CDYL2: variants seen among roughly 807,000 people sequenced by gnomAD.
CDYL2 encodes chromodomain Y-like protein 2.
A neutral mutation model predicts 49.4 loss-of-function variants in CDYL2; 23 were observed. The ratio of observed to expected loss-of-function variants is 0.47; its 90% CI spans 0.34 to 0.66. The LOEUF is 0.66. CDYL2 is among the 30% of genes least tolerant of loss of function. CDYL2 has a pLI of 0.01. For missense variants in CDYL2, 678 were observed against 656.4 expected, an observed-to-expected ratio of 1.03 and a Z score of -0.36; for synonymous variants, 360 against 268.8, an observed-to-expected ratio of 1.34 and a Z score of -3.32.
chr16:80,743,087 T>C (rs1303837828), intron 1 of CDYL2, among the ~76,000 whole-genome samples: 1 of 152,154 alleles, frequency 6.6e-6, no homozygotes, highest in African/African-American at 2.4e-5. Flanking sequence ...GACTCATTGA[T>C]GGTCTAAATC....
chr16:80,713,069 C>T (rs1431568398), intron 1 of CDYL2, among the ~76,000 whole-genome samples: 2 of 152,150 alleles, frequency 1.3e-5, no homozygotes, highest in Non-Finnish European at 2.9e-5. Context: ...CCTCAGCAGC[C>T]CTGCTTACTT....
At chr16:80,760,840 C>A (rs1245827255) in intron 1 of CDYL2, among the ~76,000 whole-genome samples, 2 of 151,628 alleles carry the variant, frequency 1.3e-5, no homozygotes, top group Non-Finnish European at 2.9e-5. Context: ...GGGCCGTATT[C>A]TTGAAATCAT....
At chr16:80,785,323 GACAA>G (rs1215375452) in intron 1 of CDYL2, among the ~76,000 whole-genome samples, 23 of 152,086 alleles carry the variant, frequency 1.5e-4, no homozygotes, top group African/African-American at 2.2e-4. Flanking sequence ...ACCAATAACA[GACAA>G]ACAGAGAGCC....
chr16:80,614,216 T>C (rs1248181204), intron 4 of CDYL2, among the ~76,000 whole-genome samples: 1 of 152,206 alleles, frequency 6.6e-6, no homozygotes, highest in Non-Finnish European at 1.5e-5. Flanking sequence ...CAAACCTGTT[T>C]TCCCTCTTCT....
At chr16:80,703,975 C>CA (rs1209132744) in intron 1 of CDYL2, among the ~76,000 whole-genome samples, 1 of 152,196 alleles carries the variant, frequency 6.6e-6, no homozygotes, top group Non-Finnish European at 1.5e-5. Context: ...AAAGTACACA[C>CA]AGGCCAACAA....
At chr16:80,794,787 G>C (rs1039486706) in intron 1 of CDYL2, among the ~76,000 whole-genome samples, 1 of 151,658 alleles carries the variant, frequency 6.6e-6, no homozygotes, top group Admixed American at 6.6e-5. Flanking sequence ...CTAATTTTGT[G>C]TTTTTAGTAG....
intron 1 of CDYL2, among the ~76,000 whole-genome samples, chr16:80,745,553 G>A (rs1448836816): frequency 1.3e-5 from 2 of 152,124 alleles, no homozygotes; most frequent in Non-Finnish European, 1.5e-5. Context: ...CATGGAGTTG[G>A]TGTGAGGATT....
At chr16:80,740,117 G>A (rs187471213) in intron 1 of CDYL2, among the ~76,000 whole-genome samples, 768 of 152,244 alleles carry the variant, frequency 5.0e-3, no homozygotes, top group Non-Finnish European at 8.0e-3. Flanking sequence ...TGACTAAATC[G>A]GGCAGGATTG....
intron 2 of CDYL2, chr16:80,679,725 C>T (rs1909898127): frequency 2.2e-6 from 1 of 455,992 alleles, no homozygotes; most frequent in Non-Finnish European, 4.4e-6. Context: ...CAAGTTTCCT[C>T]AATACCACCA....
At chr16:80,711,168 C>T (rs562594063) in intron 1 of CDYL2, among the ~76,000 whole-genome samples, 5 of 152,316 alleles carry the variant, frequency 3.3e-5, no homozygotes, top group Middle Eastern at 6.8e-3. Flanking sequence ...GGGTGAAAAC[C>T]AGGTGGGAGG....
intron 1 of CDYL2, among the ~76,000 whole-genome samples, chr16:80,748,970 G>C (rs146682003): frequency 6.6e-6 from 1 of 152,032 alleles, no homozygotes; most frequent in Non-Finnish European, 1.5e-5. Context: ...TATTACCATC[G>C]AGAACATTGA....
chr16:80,721,532 G>A (rs1482449999), intron 1 of CDYL2, among the ~76,000 whole-genome samples: 1 of 152,166 alleles, frequency 6.6e-6, no homozygotes, highest in African/African-American at 2.4e-5. Flanking sequence ...TCTGGGTTCT[G>A]CCTTGTCTGC....
chr16:80,773,794 C>A (rs1906988784), intron 1 of CDYL2, among the ~76,000 whole-genome samples: 1 of 151,996 alleles, frequency 6.6e-6, no homozygotes, highest in African/African-American at 2.4e-5. Context: ...TTAAAATGTA[C>A]AGTTTTAATT....
chr16:80,704,855 G>A (rs1904349273), intron 1 of CDYL2, among the ~76,000 whole-genome samples: 1 of 152,192 alleles, frequency 6.6e-6, no homozygotes, highest in Non-Finnish European at 1.5e-5. Flanking sequence ...GACTCTGCTG[G>A]GTCTCTATGG....
intron 1 of CDYL2, among the ~76,000 whole-genome samples, chr16:80,783,349 C>CA (rs1907333331): frequency 6.6e-6 from 1 of 152,070 alleles, no homozygotes; most frequent in Non-Finnish European, 1.5e-5. Context: ...TGGCTATAAT[C>CA]AAAAAACAGA....
intron 1 of CDYL2, among the ~76,000 whole-genome samples, chr16:80,695,155 T>C (rs1910570713): frequency 6.6e-6 from 1 of 152,260 alleles, no homozygotes; most frequent in Non-Finnish European, 1.5e-5. Context: ...GTTTTATTGG[T>C]ACACACCCAT....
rs751651545 is a variant in CDYL2, at chr16:80,684,724, A to C, written c.430T>G (p.Leu144Val). The C allele has an allele frequency of 2.5e-6, 4 of 1,613,894 alleles. No homozygotes were observed. Among genetic ancestry groups the C allele is most frequent in the Non-Finnish European group, 3.4e-6 (4 of 1,180,004 alleles). ...GACTTTTTCAGGGGCATTATTTGCA[A>C]ACCACTGGGGGTAGTCCTGTAAGAC... Reference protein sequence around the residue: ...TVSYRTTPSGLQIMPLKKSQN... With the variant: ...TVSYRTTPSGVQIMPLKKSQN... The change falls in exon 2 of 7, where the codon TTG becomes GTG. Residue 144 changes from leucine (L) to valine (V), a missense_variant. Coordinates refer to ENST00000570137, the MANE Select transcript of CDYL2 (RefSeq NM_152342.4).
In CDYL2 at chr16:80,684,520, G is replaced by A. The variant is rs77004691; in HGVS notation, c.616+18C>T. On this transcript the variant is annotated intron_variant, in intron 2 of 6. Coordinates refer to ENST00000570137, the MANE Select transcript of CDYL2 (RefSeq NM_152342.4). ...GCCATGGCCAGAGCCAAACCCAAGA[G>A]AAAGAAAAGCTACAAACCGAGCCCG... 1.2e-3 allele frequency: 1,976 copies of A among 1,600,766 alleles called. 46 individuals carry two copies. The East Asian group carries it at 0.04, about 32-fold the overall frequency.
intron 1 of CDYL2, among the ~76,000 whole-genome samples, chr16:80,698,513 C>G (rs1268551007): frequency 6.6e-6 from 1 of 152,130 alleles, no homozygotes; most frequent in African/African-American, 2.4e-5. Flanking sequence ...CGGTTTGGAT[C>G]TGTGTCCTTG....
Sources: gnomAD v4.1 joint callset for allele counts (sites outside exome capture counted in the v4.1 genomes callset) on GRCh38, gnomAD v4.1.1 for gene constraint, MANE v1.5 for transcripts, NCBI Gene and HGNC (gene_info 2026-07-23, HGNC 2026-07-21) for gene names.